Variants in LHFPL3 observed in about 807,000 individuals in gnomAD.
LHFPL3 encodes LHFPL tetraspan subfamily member 3 protein.
Under a neutral mutation model 19.3 loss-of-function variants are expected in LHFPL3, and 5 were observed. The ratio of observed to expected loss-of-function variants is 0.26; its 90% confidence interval spans 0.14 to 0.54. The LOEUF is 0.54. Ranked by LOEUF, LHFPL3 falls within the 20% of genes least tolerant of loss-of-function variation. LHFPL3 has a pLI of 0.94. For synonymous variants in LHFPL3, 133 were observed against 126.2 expected (o/e 1.05, Z -0.36); for missense variants, 249 against 307.4 (o/e 0.81, Z 1.42).
intron 1 of LHFPL3, among the ~76,000 whole-genome samples, chr7:104,589,992 T>C (rs1307689590): frequency 6.6e-6 from 1 of 152,212 alleles, no homozygotes; most frequent in Non-Finnish European, 1.5e-5. Context: ...TCTATTTGAT[T>C]CTTCTCTCTT....
At chr7:104,663,853 C>T (rs12537797) in intron 1 of LHFPL3, among the ~76,000 whole-genome samples, 68,584 of 151,976 alleles carry the variant, frequency 0.45, 16,144 homozygotes, top group East Asian at 0.76. Flanking sequence ...CTATCACTCA[C>T]TCATACCTTG....
chr7:104,891,010 T>C (rs575362477), intron 2 of LHFPL3, among the ~76,000 whole-genome samples: 1 of 152,144 alleles, frequency 6.6e-6, no homozygotes, highest in East Asian at 1.9e-4. Context: ...TTTCTGTTTC[T>C]ACCATTATGA....
At chr7:104,786,273 G>A (rs1789912512) in intron 2 of LHFPL3, among the ~76,000 whole-genome samples, 2 of 152,258 alleles carry the variant, frequency 1.3e-5, no homozygotes, top group Middle Eastern at 3.4e-3. Flanking sequence ...AGCAGAGAGT[G>A]GAGTCTGTGG....
At chr7:104,370,284 T>C (rs1237967905) in intron 1 of LHFPL3, among the ~76,000 whole-genome samples, 1 of 152,214 alleles carries the variant, frequency 6.6e-6, no homozygotes. Context: ...CAAGCTGGAA[T>C]GAACTACTGC....
chr7:104,579,692 T>G (rs1362412147), intron 1 of LHFPL3, among the ~76,000 whole-genome samples: 1 of 152,222 alleles, frequency 6.6e-6, no homozygotes, highest in Non-Finnish European at 1.5e-5. Context: ...CATTTAGAGT[T>G]AAGCTACACA....
intron 2 of LHFPL3, among the ~76,000 whole-genome samples, chr7:104,807,324 C>T (rs951568554): frequency 2.0e-5 from 3 of 152,132 alleles, no homozygotes; most frequent in Non-Finnish European, 2.9e-5. Context: ...AGCCAGAGGA[C>T]AGGCATGGAA....
At chr7:104,605,682 T>G (rs1387212345) in intron 1 of LHFPL3, among the ~76,000 whole-genome samples, 2 of 152,228 alleles carry the variant, frequency 1.3e-5, no homozygotes, top group Non-Finnish European at 2.9e-5. Context: ...AAAGCATTTT[T>G]CACTTTATAA....
chr7:104,423,127 C>A (rs1791766922), intron 1 of LHFPL3, among the ~76,000 whole-genome samples: 1 of 152,026 alleles, frequency 6.6e-6, no homozygotes, highest in African/African-American at 2.4e-5. Context: ...ATGCATGTTA[C>A]AAGAGGGGAG....
chr7:104,511,652 T>C (rs1035005016), intron 1 of LHFPL3, among the ~76,000 whole-genome samples: 2 of 152,108 alleles, frequency 1.3e-5, no homozygotes, highest in African/African-American at 4.8e-5. Flanking sequence ...AGGAGCAAAT[T>C]GTTGATACAT....
chr7:104,455,675 C>T (rs891956387), intron 1 of LHFPL3, among the ~76,000 whole-genome samples: 2 of 152,186 alleles, frequency 1.3e-5, no homozygotes, highest in African/African-American at 4.8e-5. Flanking sequence ...GAGCCAAGAT[C>T]ATGCCACTGT....
intron 1 of LHFPL3, among the ~76,000 whole-genome samples, chr7:104,516,028 C>T (rs906176135): frequency 1.3e-5 from 2 of 152,066 alleles, no homozygotes; most frequent in African/African-American, 4.8e-5. Context: ...TGTTATTAGT[C>T]TGTTCTCATG....
chr7:104,722,673 A>C (rs146858779), intron 1 of LHFPL3, among the ~76,000 whole-genome samples: 1 of 152,212 alleles, frequency 6.6e-6, no homozygotes, highest in Non-Finnish European at 1.5e-5. Context: ...TGAGCCTTCT[A>C]TCTCTTTTAC....
In LHFPL3 at chr7:104,801,301, C is replaced by A. The variant is rs139700328; in HGVS notation, c.682+64390C>A. ...GGCCCAGGGACCAGCCCAGCTCAGC[C>A]AGGGCTCTCACAATAGGACCAGCCA... On this transcript the variant is annotated intron_variant, in intron 2 of 2. Transcript: ENST00000424859. Among the ~76,000 whole-genome samples the A allele has an allele frequency of 5.6e-4, 86 of 152,274 alleles. 1 individual carries two copies. The highest frequency in any genetic ancestry group is 4.1e-3 in the East Asian group (21 of 5,166).
At chr7:104,621,865 A>G in intron 1 of LHFPL3, among the ~76,000 whole-genome samples, 1 of 152,272 alleles carries the variant, frequency 6.6e-6, no homozygotes, top group African/African-American at 2.4e-5. Context: ...GTCCCCAAAG[A>G]AATAAAAATA....
chr7:104,451,719 G>A (rs79984093), intron 1 of LHFPL3, among the ~76,000 whole-genome samples: 1,738 of 152,064 alleles, frequency 0.011, 27 homozygotes, highest in African/African-American at 0.039. Flanking sequence ...CATGTTTAGT[G>A]TCTAAAATTT....
intron 1 of LHFPL3, among the ~76,000 whole-genome samples, chr7:104,563,810 T>G (rs146100040): frequency 5.2e-4 from 79 of 152,316 alleles, no homozygotes; most frequent in African/African-American, 1.8e-3. Flanking sequence ...AAGAAATAAA[T>G]TTCTGTGTTT....
At chr7:104,518,920 T>A (rs1265991158) in intron 1 of LHFPL3, among the ~76,000 whole-genome samples, 1 of 152,154 alleles carries the variant, frequency 6.6e-6, no homozygotes. Flanking sequence ...CTAATAAAAA[T>A]TTTGGATGTT....
intron 1 of LHFPL3, among the ~76,000 whole-genome samples, chr7:104,702,051 A>T (rs1359555367): frequency 6.8e-6 from 1 of 146,394 alleles, no homozygotes; most frequent in Non-Finnish European, 1.5e-5. Context: ...GACAGGCCCC[A>T]GTGTGTGATG....
rs182366283 is a variant in LHFPL3 at position 104,493,602 on chromosome 7, C to T, written c.445+164378C>T. 3.5e-3 allele frequency among the ~76,000 whole-genome samples: 535 copies of T among 152,270 alleles called. 1 individual carries two copies. Among genetic ancestry groups the T allele is most frequent in the Non-Finnish European group, 6.0e-3 (411 of 68,010 alleles). ...CTGGGCCTGCTGATGGCCTCACTTT[C>T]CTAGTCTTGGAGTCAGTAGGATCAG... is the stretch of plus-strand genomic sequence containing the variant. On this transcript the variant is annotated intron_variant, in intron 1 of 2. Transcript: ENST00000424859.
Sources: gnomAD v4.1 joint callset for allele counts (sites outside exome capture counted in the v4.1 genomes callset) on GRCh38, gnomAD v4.1.1 for gene constraint, MANE v1.5 for transcripts, NCBI Gene and HGNC (gene_info 2026-07-23, HGNC 2026-07-21) for gene names.